Variants in EQTN observed in about 807,000 individuals in gnomAD.
EQTN encodes the protein equatorin, also known as Acrosome formation associated factor.
Under a neutral mutation model 26.9 loss-of-function variants are expected in EQTN, and 29 were observed. The ratio of observed to expected loss-of-function variants is 1.08; its 90% CI spans 0.80 to 1.47. EQTN has a LOEUF of 1.47. EQTN is among the 40% of genes most tolerant of loss of function. The pLI is 0.00. For missense variants in EQTN, 391 were observed against 346.1 expected (o/e 1.13, Z -1.03); for synonymous variants, 129 against 120.0 (o/e 1.07, Z -0.49).
intron 6 of EQTN, among the ~76,000 whole-genome samples, chr9:27,287,275 G>A (rs1820142108): frequency 6.6e-6 from 1 of 152,308 alleles, no homozygotes; most frequent in East Asian, 1.9e-4. Context: ...AATTGTCAGT[G>A]TGTGACCTTA....
chr9:27,287,659 A>G (rs10812563), intron 6 of EQTN, among the ~76,000 whole-genome samples: 57,368 of 152,176 alleles, frequency 0.38, 12,563 homozygotes, highest in Middle Eastern at 0.5. Flanking sequence ...TATGTGCTCA[A>G]TAAACAATAA....
intron 7 of EQTN, among the ~76,000 whole-genome samples, 161 bp from the exon 8 acceptor site, chr9:27,285,133 C>CTTTTTTTTTTTTTT (rs201723057): frequency 2.6e-5 from 2 of 77,082 alleles, no homozygotes; most frequent in African/African-American, 5.7e-5. Context: ...TTTTCTTTTC[C>CTTTTTTTTTTTTTT]TTTTTTTTTT....
intron 2 of EQTN, 91 bp from the exon 3 acceptor site, chr9:27,294,493 G>T: frequency 1.6e-6 from 1 of 615,396 alleles, no homozygotes; most frequent in Non-Finnish European, 2.6e-6. Context: ...CTTAAAACAT[G>T]CACTAATTAA....
intron 7 of EQTN, among the ~76,000 whole-genome samples, chr9:27,285,847 G>GT (rs147638966): frequency 2.6e-5 from 4 of 152,166 alleles, no homozygotes; most frequent in Admixed American, 6.5e-5. Flanking sequence ...GAGATTGGCT[G>GT]TTTTTTCAAA....
chr9:27,291,916 G>A (rs1820242947), intron 4 of EQTN, among the ~76,000 whole-genome samples: 1 of 152,054 alleles, frequency 6.6e-6, no homozygotes, highest in Non-Finnish European at 1.5e-5. Context: ...TATTTTATAA[G>A]GAACAATATT....
Position 27,289,635 on chromosome 9 carries a change from C to T in EQTN, c.481+37G>A, listed in dbSNP as rs1010891870. ...AAAGTGCTGGGATTATAGGCATTAG[C>T]CACTGCACCCAGTCAATTGAAATAT... is the stretch of plus-strand genomic sequence containing the variant. On this transcript the variant is annotated intron_variant, in intron 6 of 7. Coordinates refer to ENST00000380032, the MANE Select transcript of EQTN (RefSeq NM_020641.3). 3 of 1,555,796 alleles carry T rather than the reference C, an allele frequency of 1.9e-6. No homozygotes were observed. In the African/African-American group the frequency reaches 4.1e-5, roughly 21 times the overall value.
intron 2 of EQTN, among the ~76,000 whole-genome samples, chr9:27,296,308 A>G (rs1427573578): frequency 1.3e-5 from 2 of 152,248 alleles, no homozygotes; most frequent in Non-Finnish European, 2.9e-5. Flanking sequence ...ACTCTGTCTC[A>G]AAAACTGAAT....
At chr9:27,294,436 C>A (rs1312489782) in intron 2 of EQTN, 34 bp from the exon 3 acceptor site, 11 of 1,365,858 alleles carry the variant, frequency 8.1e-6, no homozygotes, top group South Asian at 1.5e-5. Flanking sequence ...CAGCAACTAG[C>A]TAAGTCACTT....
At position 27,288,876 on chromosome 9, in the gene EQTN, T is replaced by C. The variant is rs140553522; in HGVS notation, c.481+796A>G. On this transcript the variant is annotated intron_variant, in intron 6 of 7. Coordinates refer to ENST00000380032, the MANE Select transcript of EQTN (RefSeq NM_020641.3). ...GAGGAGAGAGGAACAAAGGGATGAATTGATGGGGCAGAGGAGATTTTAGGG... is the reference window on the plus strand; with the variant it reads ...GAGGAGAGAGGAACAAAGGGATGAACTGATGGGGCAGAGGAGATTTTAGGG... 8.4e-3 allele frequency among the ~76,000 whole-genome samples: 1,282 copies of C among 152,234 alleles called. 17 individuals are homozygous for C. The highest frequency in any genetic ancestry group is 0.027 in the Middle Eastern group (8 of 294).
intron 6 of EQTN, among the ~76,000 whole-genome samples, chr9:27,289,168 A>G (rs1194195551): frequency 1.3e-5 from 2 of 152,288 alleles, no homozygotes; most frequent in African/African-American, 4.8e-5. Context: ...AATAAAGTCT[A>G]TTTTGAAAAA....
intron 7 of EQTN, among the ~76,000 whole-genome samples, chr9:27,285,369 C>A (rs989907698): frequency 1.5e-4 from 23 of 151,966 alleles, no homozygotes; most frequent in Non-Finnish European, 7.4e-5. Flanking sequence ...GTCTTGATTT[C>A]TTGACCTCGT....
intron 3 of EQTN, among the ~76,000 whole-genome samples, chr9:27,292,891 GC>G (rs1468808672): frequency 6.6e-6 from 1 of 152,186 alleles, no homozygotes; most frequent in East Asian, 1.9e-4. Flanking sequence ...AGAAAGGGAG[GC>G]TGAGTATTAA....
chr9:27,296,913 AT>A (rs1563834007), intron 1 of EQTN, 66 bp downstream of exon 1: 1 of 1,578,726 alleles, frequency 6.3e-7, no homozygotes, highest in Non-Finnish European at 8.6e-7. Flanking sequence ...CCACATACCA[AT>A]TTTTCATGAT....
rs1820223986 is a variant in EQTN, at chr9:27,291,020, T to G, written c.420A>C (p.Lys140Asn). 1 of 1,611,784 alleles carries G rather than the reference T, an allele frequency of 6.2e-7. No individual in the cohort carries two copies. The highest frequency in any genetic ancestry group is 8.5e-7 in the Non-Finnish European group (1 of 1,179,378). ...NVPAFWTMLA[K>N]AINGTAVVMD... ...AGCTACCTAGCTGTATGACTTTACC[T>G]TTAGCTAACATTGTCCAAAATGCAG... is the stretch of plus-strand genomic sequence containing the variant. The change falls in exon 5 of 8, where the codon AAA becomes AAC. Residue 140 changes from lysine to asparagine, a missense_variant and splice_region_variant. Transcript: ENST00000380032.
At chr9:27,294,237 C>T (rs1267038719) in intron 3 of EQTN, 79 bp downstream of exon 3, 2 of 943,414 alleles carry the variant, frequency 2.1e-6, no homozygotes, top group Non-Finnish European at 3.3e-6. Flanking sequence ...CTTCTTTTCT[C>T]CCCAACAGTC....
rs535055217 is a variant in EQTN, at chr9:27,287,291, T to C, written c.482-929A>G. ...ATTGTCAGTGTGTGACCTTAGACTATGAAAATGTATACAGTTGTCAATGAC... is the reference window on the plus strand; with the variant it reads ...ATTGTCAGTGTGTGACCTTAGACTACGAAAATGTATACAGTTGTCAATGAC... On this transcript the variant is annotated intron_variant, in intron 6 of 7. Coordinates refer to ENST00000380032, the MANE Select transcript of EQTN (RefSeq NM_020641.3). 9.5e-4 allele frequency among the ~76,000 whole-genome samples: 145 copies of C among 152,324 alleles called. 1 individual carries two copies. Among genetic ancestry groups the C allele is most frequent in the African/African-American group, 3.2e-3 (131 of 41,574 alleles).
intron 3 of EQTN, among the ~76,000 whole-genome samples, chr9:27,293,794 C>A (rs766802603): frequency 3.3e-5 from 5 of 152,048 alleles, no homozygotes; most frequent in East Asian, 1.9e-4. Flanking sequence ...CATTTAAATC[C>A]CAAGGTTTGA....
intron 2 of EQTN, among the ~76,000 whole-genome samples, chr9:27,295,560 G>T (rs921408324): frequency 6.6e-6 from 1 of 151,828 alleles, no homozygotes; most frequent in Non-Finnish European, 1.5e-5. Flanking sequence ...TAGGCCGGGT[G>T]CAGTGGCTCA....
At chr9:27,288,033 T>G (rs1307469553) in intron 6 of EQTN, among the ~76,000 whole-genome samples, 1 of 152,140 alleles carries the variant, frequency 6.6e-6, no homozygotes, top group Non-Finnish European at 1.5e-5. Context: ...CTCGAACTCC[T>G]GACCTCAGGT....
Sources: allele counts gnomAD v4.1 joint callset (sites outside exome capture counted in the v4.1 genomes callset), GRCh38; gene constraint gnomAD v4.1.1; transcripts MANE v1.5; gene names NCBI Gene and HGNC (gene_info 2026-07-23, HGNC 2026-07-21).